ZNF385D: variants seen among roughly 807,000 people sequenced by gnomAD.
ZNF385D encodes the protein zinc finger protein 385D.
Under a neutral mutation model 35.8 loss-of-function variants are expected in ZNF385D, and 15 were observed. That is an observed-to-expected ratio of 0.42 (90% confidence interval 0.28 to 0.64). ZNF385D has a LOEUF of 0.64. Ranked by LOEUF, ZNF385D falls within the 30% of genes least tolerant of loss-of-function variation. The probability of loss-of-function intolerance (pLI) is 0.23; values close to 1 mark genes in which losing one functional copy is unlikely to be tolerated. For missense variants in ZNF385D, 474 were observed against 494.6 expected (o/e 0.96, Z 0.39); for synonymous variants, 212 against 186.8 (o/e 1.13, Z -1.10).
chr3:22,352,940 C>G (rs1230329584), intron 2 of ZNF385D, among the ~76,000 whole-genome samples: 2 of 152,146 alleles, frequency 1.3e-5, no homozygotes, highest in Non-Finnish European at 2.9e-5. Context: ...TCTCTTCCTT[C>G]CCTCCAAGCC....
At chr3:22,256,541 T>C (rs1413120095) in intron 2 of ZNF385D, among the ~76,000 whole-genome samples, 2 of 151,882 alleles carry the variant, frequency 1.3e-5, no homozygotes, top group Non-Finnish European at 2.9e-5. Context: ...TTGGAATCTA[T>C]GTGGGTATAA....
intron 3 of ZNF385D, among the ~76,000 whole-genome samples, chr3:21,866,312 G>C (rs929830643): frequency 7.9e-5 from 12 of 151,984 alleles, no homozygotes; most frequent in African/African-American, 2.9e-4. Flanking sequence ...AAATTAGCTG[G>C]GCATGGTGGC....
At chr3:21,689,998 TGACA>T in intron 1 of ZNF385D, among the ~76,000 whole-genome samples, 1 of 152,234 alleles carries the variant, frequency 6.6e-6, no homozygotes, top group South Asian at 2.1e-4. Context: ...TATTTTTGAT[TGACA>T]GACTGAAATT....
intron 2 of ZNF385D, among the ~76,000 whole-genome samples, chr3:21,650,197 A>G (rs1431438482): frequency 6.6e-6 from 1 of 152,214 alleles, no homozygotes; most frequent in African/African-American, 2.4e-5. Context: ...TATATGTAAT[A>G]AAACATTTCC....
intron 4 of ZNF385D, among the ~76,000 whole-genome samples, chr3:21,508,821 T>C (rs1166114078): frequency 6.6e-6 from 1 of 152,160 alleles, no homozygotes; most frequent in African/African-American, 2.4e-5. Flanking sequence ...GGGCAGCCAT[T>C]CTCCAACTTA....
chr3:21,844,468 T>A (rs1695875841), intron 3 of ZNF385D, among the ~76,000 whole-genome samples: 1 of 150,806 alleles, frequency 6.6e-6, no homozygotes, highest in Non-Finnish European at 1.5e-5. Flanking sequence ...ATGCTAAAGT[T>A]GTCCGAAGCT....
At chr3:22,202,177 G>T (rs1207929458) in intron 2 of ZNF385D, among the ~76,000 whole-genome samples, 1 of 151,972 alleles carries the variant, frequency 6.6e-6, no homozygotes, top group Admixed American at 6.6e-5. Flanking sequence ...TCTTACTGCA[G>T]TGATATAAAA....
intron 3 of ZNF385D, among the ~76,000 whole-genome samples, chr3:21,928,297 G>A (rs1700839234): frequency 6.8e-6 from 1 of 147,004 alleles, no homozygotes; most frequent in Non-Finnish European, 1.5e-5. Context: ...AAGGAAGGAG[G>A]GAGGAAGGAA....
At chr3:21,867,735 G>T (rs1697449917) in intron 3 of ZNF385D, among the ~76,000 whole-genome samples, 2 of 57,144 alleles carry the variant, frequency 3.5e-5, no homozygotes, top group African/African-American at 1.1e-4. Context: ...TGTTTTAGTA[G>T]GAAAAGTAAA....
chr3:21,670,648 GCGCCCCCCCCCC>G (rs1553634710), intron 1 of ZNF385D, among the ~76,000 whole-genome samples: 1 of 904 alleles, frequency 1.1e-3, no homozygotes, highest in African/African-American at 3.0e-3. Context: ...AAATCCTAAG[GCGCCCCCCCCCC>G]CCCCCCCCCC....
intron 3 of ZNF385D, among the ~76,000 whole-genome samples, chr3:21,915,588 G>A (rs1432823708): frequency 2.0e-5 from 3 of 151,896 alleles, no homozygotes; most frequent in African/African-American, 4.8e-5. Flanking sequence ...AAAGCATCTG[G>A]TTCATTCAAG....
chr3:22,167,958 G>A (rs559365345), intron 3 of ZNF385D, among the ~76,000 whole-genome samples: 2 of 152,196 alleles, frequency 1.3e-5, no homozygotes, highest in African/African-American at 2.4e-5. Context: ...CTTTAAGAAT[G>A]TACTTTTATT....
At chr3:21,629,850 C>T (rs1481632393) in intron 2 of ZNF385D, among the ~76,000 whole-genome samples, 1 of 152,132 alleles carries the variant, frequency 6.6e-6, no homozygotes, top group African/African-American at 2.4e-5. Flanking sequence ...GACTCTAGAA[C>T]TGCTTTAATG....
chr3:22,016,269 T>A (rs973745433), intron 3 of ZNF385D, among the ~76,000 whole-genome samples: 1 of 152,046 alleles, frequency 6.6e-6, no homozygotes, highest in African/African-American at 2.4e-5. Flanking sequence ...AGGGTAGGTA[T>A]GCGTCCAAAC....
chr3:21,703,870 C>G (rs1559534537), intron 1 of ZNF385D, among the ~76,000 whole-genome samples: 1 of 152,082 alleles, frequency 6.6e-6, no homozygotes, highest in African/African-American at 2.4e-5. Flanking sequence ...ACTCTCACCA[C>G]TTTCTTCCCT....
chr3:21,554,898 T>A (rs1343128148), intron 3 of ZNF385D, among the ~76,000 whole-genome samples: 1 of 152,200 alleles, frequency 6.6e-6, no homozygotes, highest in Admixed American at 6.5e-5. Context: ...TCCTCTGGAT[T>A]AGGCTCTGAT....
At chr3:22,146,782 G>C (rs1228751334) in intron 3 of ZNF385D, among the ~76,000 whole-genome samples, 1 of 152,012 alleles carries the variant, frequency 6.6e-6, no homozygotes, top group Non-Finnish European at 1.5e-5. Flanking sequence ...TAAAACACTA[G>C]ATTGCTGAGT....
chr3:22,206,196 C>A (rs1394694986), intron 2 of ZNF385D, among the ~76,000 whole-genome samples: 1 of 151,766 alleles, frequency 6.6e-6, no homozygotes, highest in Non-Finnish European at 1.5e-5. Flanking sequence ...GGTCATTATA[C>A]AATGATAAAG....
At chr3:21,715,482 C>G (rs1307998298) in intron 1 of ZNF385D, among the ~76,000 whole-genome samples, 1 of 152,156 alleles carries the variant, frequency 6.6e-6, no homozygotes, top group African/African-American at 2.4e-5. Context: ...ACCACATTTT[C>G]TAAATCTAAT....
Sources: allele counts gnomAD v4.1 joint callset (sites outside exome capture counted in the v4.1 genomes callset), GRCh38; gene constraint gnomAD v4.1.1; transcripts MANE v1.5; gene names NCBI Gene and HGNC (gene_info 2026-07-23, HGNC 2026-07-21).